STEAP2: variants seen among roughly 807,000 people sequenced by gnomAD.
The protein encoded by STEAP2 is STEAP2 metalloreductase, also known as metalloreductase STEAP2.
Under a neutral mutation model 46.4 loss-of-function variants are expected in STEAP2, and 30 were observed. That is an observed-to-expected ratio of 0.65 (90% CI 0.48 to 0.88). STEAP2 has a LOEUF of 0.88. STEAP2 is among the 40% of genes least tolerant of loss of function. STEAP2 has a pLI of 0.00. For missense variants in STEAP2, 513 were observed against 579.3 expected, an observed-to-expected ratio of 0.89 and a Z score of 1.18; for synonymous variants, 180 against 200.5, an observed-to-expected ratio of 0.90 and a Z score of 0.86.
At chr7:90,212,232 T>C (rs1324614049) in intron 1 of STEAP2, 187 bp downstream of exon 1, 1 of 152,314 alleles carries the variant, frequency 6.6e-6, no homozygotes, top group Admixed American at 6.5e-5. Context: ...TGGAGAAGGG[T>C]GTCTGTTCCA....
chr7:90,225,506 A>G lies in STEAP2; in HGVS notation c.424A>G (p.Ile142Val), dbSNP rs1795448788. 6.2e-7 allele frequency: 1 copy of G among 1,613,612 alleles called. No individual in the cohort carries two copies. Among genetic ancestry groups the G allele is most frequent in the African/African-American group, 1.3e-5 (1 of 74,884 alleles). Residue 142 changes from isoleucine to valine, a missense_variant, in exon 3 of 6, where the codon ATT becomes GTT. Physicochemically the swap from Ile to Val is conservative, Grantham distance 29. Transcript: ENST00000394621. ...YLASLFPDSLIVKGFNVVSAW... is the reference protein window; with the variant it reads ...YLASLFPDSLVVKGFNVVSAW... ...GGCTTCATTATTCCCAGATTCTTTG[A>G]TTGTCAAAGGATTTAATGTTGTCTC... is the stretch of plus-strand genomic sequence containing the variant.
downstream of STEAP2, among the ~76,000 whole-genome samples, chr7:90,240,051 C>A (rs10242892): frequency 6.6e-5 from 10 of 152,232 alleles, no homozygotes; most frequent in East Asian, 1.9e-3. The surrounding 1 kb of genome is among the most constrained non-coding windows in gnomAD (Gnocchi z 4.1). Flanking sequence ...GTGGGCAGAT[C>A]GTTTGAACCC....
chr7:90,225,135 T>C lies in STEAP2; in HGVS notation c.53T>C (p.Leu18Ser), dbSNP rs549185095. Residue 18 changes from leucine (L) to serine (S), a missense_variant, in exon 3 of 6, where the codon TTA (leucine) becomes TCA (serine). Transcript: ENST00000394621. ...GSPKSLSETFLPNGINGIKDA... is the reference protein window; with the variant it reads ...GSPKSLSETFSPNGINGIKDA... ...CCTAAGAGCCTTAGTGAAACTTTTT[T>C]ACCTAATGGCATAAATGGTATCAAA... is the stretch of plus-strand genomic sequence containing the variant. 166 of 1,613,698 alleles carry C rather than the reference T, an allele frequency of 1.0e-4. No individual in the cohort carries two copies. Among genetic ancestry groups the C allele is most frequent in the Non-Finnish European group, 1.3e-4 (159 of 1,179,804 alleles).
chr7:90,223,835 G>A (rs194518), intron 2 of STEAP2, among the ~76,000 whole-genome samples: 68,531 of 151,990 alleles, frequency 0.45, 16,533 homozygotes, highest in Non-Finnish European at 0.55. Flanking sequence ...TTTTTCTTAA[G>A]ATATTATTTA....
Position 90,234,544 on chromosome 7 carries a change from CT to C in STEAP2, c.*1921del. 8.8e-6 allele frequency: 8 copies of C among 913,654 alleles called. No individual in the cohort carries two copies. The highest frequency in any genetic ancestry group is 1.0e-5 in the Non-Finnish European group (8 of 779,488). The allele number at this position is 913,654 out of a possible 1,614,324, so 56.6% of individuals were successfully genotyped here. A position where few individuals can be genotyped will look rare whatever the true frequency, so the allele number is the denominator to read the frequency against. On this transcript the variant is annotated 3_prime_UTR_variant, in exon 6 of 6. Coordinates refer to ENST00000394621, the MANE Select transcript of STEAP2 (RefSeq NM_001244944.2). ...TTGGTGAATTTTATTATCTTGTACC[CT>C]CTTTTTTTTTTTTTTTTTTTTTAAA...
chr7:90,225,034 A>G lies in STEAP2; in HGVS notation c.-33-16A>G, dbSNP rs779948935. On this transcript the variant is annotated splice_polypyrimidine_tract_variant and intron_variant, in intron 2 of 5. Coordinates refer to ENST00000394621, the MANE Select transcript of STEAP2 (RefSeq NM_001244944.2). ...GTAATAGGTAACTGATGACCATTTT[A>G]TTTTCTCTCCCCTAGGATATTCTTG... 2.7e-5 allele frequency: 43 copies of G among 1,571,478 alleles called. No homozygotes were observed. Among genetic ancestry groups the G allele is most frequent in the Non-Finnish European group, 3.6e-5 (42 of 1,160,930 alleles).
At chr7:90,220,224 G>A (rs1795194987) in intron 2 of STEAP2, among the ~76,000 whole-genome samples, 1 of 152,162 alleles carries the variant, frequency 6.6e-6, no homozygotes, top group Non-Finnish European at 1.5e-5. Context: ...GGTCTGTTTT[G>A]AAAGTTTGGT....
rs960370083 is a variant in STEAP2 at position 90,236,261 on chromosome 7, G to A, written c.*3637G>A. 2.2e-6 allele frequency: 2 copies of A among 900,554 alleles called. No homozygotes were observed. Among genetic ancestry groups the A allele is most frequent in the African/African-American group, 3.6e-5 (2 of 55,348 alleles). The allele number at this position is 900,554 out of a possible 1,614,324, so 55.8% of individuals were successfully genotyped here. Reference sequence around the variant, plus strand: ...GTATTTTAAATAAAGTATCATAAATGTAATAAGTAAATATTTATTTAGGAA... The same window carrying A: ...GTATTTTAAATAAAGTATCATAAATATAATAAGTAAATATTTATTTAGGAA... On this transcript the variant is annotated 3_prime_UTR_variant, in exon 6 of 6. Transcript: ENST00000394621.
At chr7:90,237,727 C>G (rs1796006865), downstream of STEAP2, 1 of 165,814 alleles carries the variant, frequency 6.0e-6, no homozygotes, top group Non-Finnish European at 1.3e-5. Context: ...TTTTCAGAAG[C>G]ATCCAGAAAG....
chr7:90,230,060 A>G, intron 5 of STEAP2, 24 bp downstream of exon 5: 1 of 1,598,052 alleles, frequency 6.3e-7, no homozygotes, highest in East Asian at 2.2e-5. Flanking sequence ...TGTTTGGTGA[A>G]GGATTGTGCA....
intron 3 of STEAP2, 111 bp downstream of exon 3, chr7:90,225,685 T>C: frequency 8.0e-7 from 1 of 1,250,310 alleles, no homozygotes; most frequent in Non-Finnish European, 1.1e-6. Context: ...TGATTATCAT[T>C]TGAAAATTAA....
chr7:90,239,358 TA>T (rs1293953963), downstream of STEAP2, among the ~76,000 whole-genome samples: 18 of 152,342 alleles, frequency 1.2e-4, no homozygotes, highest in East Asian at 7.7e-4. Flanking sequence ...CTTCAACTTC[TA>T]GCCTCCAGAA....
intron 1 of STEAP2, among the ~76,000 whole-genome samples, chr7:90,215,090 G>T (rs950520852): frequency 6.6e-6 from 1 of 152,162 alleles, no homozygotes; most frequent in Admixed American, 6.5e-5. Flanking sequence ...AGGGTATGGT[G>T]AAGTACCATG....
chr7:90,238,770 G>C (rs939665268), downstream of STEAP2, among the ~76,000 whole-genome samples: 1 of 152,094 alleles, frequency 6.6e-6, no homozygotes, highest in African/African-American at 2.4e-5. Flanking sequence ...TTTTGGTAGT[G>C]GATTCTTCTA....
At position 90,234,087 on chromosome 7, in the gene STEAP2, C is replaced by T. The variant is rs1322987518; in HGVS notation, c.*1463C>T. 1.0e-6 allele frequency: 1 copy of T among 985,260 alleles called. No individual in the cohort carries two copies. Among genetic ancestry groups the T allele is most frequent in the Non-Finnish European group, 1.2e-6 (1 of 829,924 alleles). The allele number at this position is 985,260 out of a possible 1,614,324, so 61.0% of individuals were successfully genotyped here. A position where few individuals can be genotyped will look rare whatever the true frequency, so the allele number is the denominator to read the frequency against. ...AGAGTTAGTCTTCTCCTTTTCTCTT[C>T]CTGAGAAGTTCTCCTGCCTGCATAA... is the stretch of plus-strand genomic sequence containing the variant. On this transcript the variant is annotated 3_prime_UTR_variant, in exon 6 of 6. Coordinates refer to ENST00000394621, the MANE Select transcript of STEAP2 (RefSeq NM_001244944.2).
At chr7:90,216,885 T>C (rs1795043255) in intron 2 of STEAP2, among the ~76,000 whole-genome samples, 1 of 152,180 alleles carries the variant, frequency 6.6e-6, no homozygotes, top group Non-Finnish European at 1.5e-5. Context: ...TTTTAAAACT[T>C]GCCAGGTCAT....
chr7:90,231,400 T>C (rs1795742449), intron 5 of STEAP2, among the ~76,000 whole-genome samples: 1 of 151,962 alleles, frequency 6.6e-6, no homozygotes, highest in Non-Finnish European at 1.5e-5. Flanking sequence ...ATCATATGTC[T>C]GTTTATGTAT....
Position 90,235,059 on chromosome 7 carries a change from AC to A in STEAP2, c.*2436del, listed in dbSNP as rs1795915441. Reference sequence around the variant, plus strand: ...ATTCCTTAAATTCCACTCTTTTAACACTATGCTTAACCACTTAATGTGATGA... The same window carrying A: ...ATTCCTTAAATTCCACTCTTTTAACATATGCTTAACCACTTAATGTGATGA... On this transcript the variant is annotated 3_prime_UTR_variant, in exon 6 of 6. Transcript: ENST00000394621. 1.1e-6 allele frequency: 1 copy of A among 949,520 alleles called. No individual in the cohort carries two copies. The highest frequency in any genetic ancestry group is 1.8e-5 in the African/African-American group (1 of 56,460). The allele number at this position is 949,520 out of a possible 1,614,324, so 58.8% of individuals were successfully genotyped here.
chr7:90,219,244 C>T (rs1795151915), intron 2 of STEAP2, among the ~76,000 whole-genome samples: 1 of 151,236 alleles, frequency 6.6e-6, no homozygotes, highest in South Asian at 2.1e-4. Flanking sequence ...ATAATTTGAC[C>T]TTCCTCTTTT....
Sources: allele counts gnomAD v4.1 joint callset (sites outside exome capture counted in the v4.1 genomes callset), GRCh38; gene constraint gnomAD v4.1.1; non-coding constraint Gnocchi (gnomAD v3.1); transcripts MANE v1.5; gene names NCBI Gene and HGNC (gene_info 2026-07-23, HGNC 2026-07-21).